PALM2AKAP2: variants seen among roughly 807,000 people sequenced by gnomAD.
PALM2AKAP2 encodes PALM2-AKAP2 fusion protein.
In PALM2AKAP2, 37 loss-of-function variants were observed where a neutral mutation model predicts 71.5. The observed-to-expected ratio is 0.52, with a 90% CI of 0.40 to 0.68. PALM2AKAP2 has a LOEUF of 0.68. Ranked by LOEUF, PALM2AKAP2 falls within the 30% of genes least tolerant of loss-of-function variation. The pLI is 0.00. For missense variants in PALM2AKAP2, 1,224 were observed against 1,191.8 expected, an observed-to-expected ratio of 1.03 and a Z score of -0.40; for synonymous variants, 468 against 478.8, an observed-to-expected ratio of 0.98 and a Z score of 0.29.
At chr9:109,876,637 A>T (rs1337210773) in intron 2 of PALM2AKAP2, among the ~76,000 whole-genome samples, 1 of 151,862 alleles carries the variant, frequency 6.6e-6, no homozygotes, top group Admixed American at 6.6e-5. Flanking sequence ...TCGCCACCAC[A>T]CCCAGCTAAT....
At chr9:110,013,753 C>A (rs1670697285) in intron 6 of PALM2AKAP2, among the ~76,000 whole-genome samples, 1 of 152,170 alleles carries the variant, frequency 6.6e-6, no homozygotes, top group South Asian at 2.1e-4. Flanking sequence ...AAAAAGTAAC[C>A]AGTGTTAATA....
intron 6 of PALM2AKAP2, among the ~76,000 whole-genome samples, chr9:110,010,690 G>C (rs945340911): frequency 4.1e-5 from 6 of 147,712 alleles, no homozygotes; most frequent in Non-Finnish European, 7.4e-5. Flanking sequence ...AAATACTAAA[G>C]TATATTTATA....
intron 1 of PALM2AKAP2, among the ~76,000 whole-genome samples, chr9:109,739,342 A>G (rs1341201805): frequency 6.6e-6 from 1 of 152,226 alleles, no homozygotes; most frequent in Non-Finnish European, 1.5e-5. Flanking sequence ...CTCATGTTTT[A>G]GAGAATGCCA....
chr9:110,012,672 T>C (rs1016373763), intron 6 of PALM2AKAP2, among the ~76,000 whole-genome samples: 4 of 152,258 alleles, frequency 2.6e-5, no homozygotes, highest in African/African-American at 9.6e-5. Context: ...ACTCTTGTTA[T>C]GAAATGTTTC....
At chr9:110,030,802 A>G (rs549606375) in intron 7 of PALM2AKAP2, among the ~76,000 whole-genome samples, 1 of 152,344 alleles carries the variant, frequency 6.6e-6, no homozygotes, top group Non-Finnish European at 1.5e-5. Flanking sequence ...TTGTATGTAA[A>G]AAGATGACAT....
At chr9:109,857,511 T>C (rs998967319) in intron 1 of PALM2AKAP2, among the ~76,000 whole-genome samples, 1 of 152,170 alleles carries the variant, frequency 6.6e-6, no homozygotes, top group Non-Finnish European at 1.5e-5. Flanking sequence ...GACATCAAGA[T>C]GTTTTGCATT....
At chr9:110,105,028 G>A (rs1165921240) in intron 1 of PALM2AKAP2, among the ~76,000 whole-genome samples, 1 of 152,172 alleles carries the variant, frequency 6.6e-6, no homozygotes, top group African/African-American at 2.4e-5. Context: ...ATTATATAGT[G>A]TCATCCTACA....
chr9:109,834,839 AG>A (rs1828412000), intron 1 of PALM2AKAP2, among the ~76,000 whole-genome samples: 1 of 152,216 alleles, frequency 6.6e-6, no homozygotes, highest in African/African-American at 2.4e-5. Context: ...TTAAATCCCA[AG>A]TCTAGAGCCT....
At chr9:109,647,992 C>T (rs1369590316) in intron 1 of PALM2AKAP2, among the ~76,000 whole-genome samples, 2 of 152,068 alleles carry the variant, frequency 1.3e-5, no homozygotes, top group Admixed American at 6.6e-5. Flanking sequence ...AACTGTAGTC[C>T]CCATGTGTTC....
At chr9:109,867,620 A>G (rs1407546965) in intron 2 of PALM2AKAP2, 49 bp downstream of exon 2, 2 of 1,579,262 alleles carry the variant, frequency 1.3e-6, no homozygotes, top group Non-Finnish European at 1.7e-6. Flanking sequence ...CATGCAGATC[A>G]CACTCCGGAG....
intron 3 of PALM2AKAP2, among the ~76,000 whole-genome samples, chr9:110,156,971 G>A (rs998703391): frequency 6.6e-6 from 1 of 152,190 alleles, no homozygotes; most frequent in African/African-American, 2.4e-5. Context: ...GACTGAGTGT[G>A]TTTGGGGCTG....
In PALM2AKAP2 at chr9:110,010,497, T is replaced by G. The variant is rs1026930582; in HGVS notation, c.497-5457T>G. Reference sequence around the variant, plus strand: ...ACATACTATATATGTATAGAATAGTTAATATAGCAATATATAATATAATTA... The same window carrying G: ...ACATACTATATATGTATAGAATAGTGAATATAGCAATATATAATATAATTA... On this transcript the variant is annotated intron_variant, in intron 6 of 9. Transcript: ENST00000302798. Among the ~76,000 whole-genome samples the G allele has an allele frequency of 3.4e-5, 5 of 147,572 alleles. No individual in the cohort carries two copies. In the East Asian group the frequency reaches 9.8e-4, roughly 29 times the overall value.
chr9:109,738,526 A>G (rs369671997), intron 1 of PALM2AKAP2, among the ~76,000 whole-genome samples: 3 of 152,244 alleles, frequency 2.0e-5, no homozygotes, highest in African/African-American at 7.2e-5. Context: ...GTCTATTTCT[A>G]TACACTAGCA....
chr9:110,022,564 A>ATT (rs1195869773), intron 7 of PALM2AKAP2, among the ~76,000 whole-genome samples: 1 of 145,542 alleles, frequency 6.9e-6, no homozygotes, highest in Non-Finnish European at 1.5e-5. Flanking sequence ...TTTTTTCTTT[A>ATT]TTTTTATTTT....
exon 4 of PALM2AKAP2, chr9:110,168,691 C>T (rs192648817): frequency 8.0e-5 from 53 of 659,512 alleles, no homozygotes; most frequent in Admixed American, 2.9e-4. Context: ...CTCTGGACAC[C>T]CAGGAATCAA....
At chr9:109,758,863 T>C (rs564662098) in intron 1 of PALM2AKAP2, among the ~76,000 whole-genome samples, 1 of 152,228 alleles carries the variant, frequency 6.6e-6, no homozygotes, top group Admixed American at 6.5e-5. Context: ...TGTTTTTAAT[T>C]GACTCATGAT....
At chr9:110,168,276 A>T in intron 3 of PALM2AKAP2, 123 bp from the exon 11 acceptor site, 1 of 1,192,012 alleles carries the variant, frequency 8.4e-7, no homozygotes, top group Non-Finnish European at 1.2e-6. Flanking sequence ...ATCTCCCAGC[A>T]GTGCTTTATC....
At chr9:110,151,506 T>C (rs1293422098) in intron 2 of PALM2AKAP2, among the ~76,000 whole-genome samples, 1 of 152,248 alleles carries the variant, frequency 6.6e-6, no homozygotes, top group Non-Finnish European at 1.5e-5. Context: ...CTCTCCCTCC[T>C]TGTTTTCTTT....
upstream of PALM2AKAP2, among the ~76,000 whole-genome samples, chr9:109,776,198 GT>G (rs1241745360): frequency 6.6e-6 from 1 of 152,148 alleles, no homozygotes. Flanking sequence ...CATAGTTTGG[GT>G]TTTAAATGCC....
Sources: gnomAD v4.1 joint callset for allele counts (sites outside exome capture counted in the v4.1 genomes callset) on GRCh38, gnomAD v4.1.1 for gene constraint, MANE v1.5 for transcripts, NCBI Gene and HGNC (gene_info 2026-07-23, HGNC 2026-07-21) for gene names.